The following DYRK1A variants were observed in gnomAD, a reference collection of about 807,000 sequenced individuals.
DYRK1A encodes dual specificity tyrosine-phosphorylation-regulated kinase 1A.
Under a neutral mutation model 79.7 loss-of-function variants are expected in DYRK1A, and 9 were observed. The observed-to-expected ratio is 0.11, with a 90% CI of 0.07 to 0.20. The LOEUF is 0.20. Among genes scored for constraint, DYRK1A ranks in the 10% least tolerant of loss-of-function variants. The pLI is 1.00. For synonymous variants in DYRK1A, 349 were observed against 329.7 expected (o/e 1.06, Z -0.63); for missense variants, 622 against 956.0 (o/e 0.65, Z 4.61).
intron 1 of DYRK1A, among the ~76,000 whole-genome samples, chr21:37,401,874 C>T (rs768878013): frequency 2.0e-5 from 3 of 152,150 alleles, no homozygotes; most frequent in Non-Finnish European, 4.4e-5. Context: ...AGCTCTTCTT[C>T]ACATGAACTT....
chr21:37,444,666 T>C (rs2051211387), intron 2 of DYRK1A, among the ~76,000 whole-genome samples: 1 of 152,142 alleles, frequency 6.6e-6, no homozygotes, highest in Non-Finnish European at 1.5e-5. Flanking sequence ...ATGCCAAGCC[T>C]GGGTGCATGA....
rs1260921990 is a variant in DYRK1A, at chr21:37,495,149, A to ATT, written c.1072-966_1072-965dup. Among the ~76,000 whole-genome samples, 214 of 122,108 alleles carry ATT rather than the reference A, an allele frequency of 1.8e-3. 1 individual carries two copies. Among genetic ancestry groups the ATT allele is most frequent in the African/African-American group, 6.5e-3 (204 of 31,562 alleles). The allele number at this position is 122,108 out of a possible 152,430, so 80.1% of individuals were successfully genotyped here. On this transcript the variant is annotated intron_variant, in intron 8 of 11. Transcript: ENST00000647188. ...GTCCATACTTTATTAAGCCTCTGGG[A>ATT]TTTTGTGTGTGTGTGTGTGTGTGTG...
rs73400111 is a variant in DYRK1A, at chr21:37,462,921, T to C, written c.11-9763T>C. 4.6e-3 allele frequency among the ~76,000 whole-genome samples: 703 copies of C among 152,348 alleles called. 4 individuals are homozygous for C. The highest frequency in any genetic ancestry group is 0.016 in the African/African-American group (659 of 41,576). On this transcript the variant is annotated intron_variant, in intron 2 of 11. Transcript: ENST00000647188. ...TTTTGACTAGTTCTTTAGTTGTTTA[T>C]GATGAATGAGGGAGTCTGGTACCAG...
chr21:37,431,919 T>G (rs1714766595), intron 2 of DYRK1A, among the ~76,000 whole-genome samples: 1 of 152,160 alleles, frequency 6.6e-6, no homozygotes, highest in East Asian at 1.9e-4. Context: ...TTATGTAGTT[T>G]GTATAGATGA....
At position 37,516,954 on chromosome 21, in the gene DYRK1A, T is replaced by C. The variant is rs1217125719; in HGVS notation, c.*4423T>C. On this transcript the variant is annotated 3_prime_UTR_variant, in exon 12 of 12. Coordinates refer to ENST00000647188, the MANE Select transcript of DYRK1A (RefSeq NM_001347721.2). The stretch of plus-strand genomic sequence containing the variant: ...TGCAGCTGCTGTACCTGAAAATTTT[T>C]CCCCATAATTTCCCATCTTTAGGGT... 6 of 152,306 alleles carry C rather than the reference T, an allele frequency of 3.9e-5. No homozygotes were observed. The highest frequency in any genetic ancestry group is 1.4e-4 in the African/African-American group (6 of 41,560). 9.4% of individuals were successfully genotyped at this position (152,306 alleles called of 1,614,324 possible). A position where few individuals can be genotyped will look rare whatever the true frequency, so the allele number is the denominator to read the frequency against.
At chr21:37,376,840 CTG>C (rs1337974394) in intron 1 of DYRK1A, among the ~76,000 whole-genome samples, 3 of 152,102 alleles carry the variant, frequency 2.0e-5, no homozygotes, top group Non-Finnish European at 4.4e-5. Flanking sequence ...AAAACAAGCT[CTG>C]TGGAATGATA....
chr21:37,499,087 A>T (rs2053361794), intron 9 of DYRK1A, among the ~76,000 whole-genome samples: 1 of 152,046 alleles, frequency 6.6e-6, no homozygotes, highest in Non-Finnish European at 1.5e-5. Context: ...TTAATATGGT[A>T]TCTTTTGATG....
At chr21:37,491,358 C>G (rs145245987) in intron 7 of DYRK1A, among the ~76,000 whole-genome samples, 1 of 152,060 alleles carries the variant, frequency 6.6e-6, no homozygotes, top group Non-Finnish European at 1.5e-5. Context: ...ATTTTAAGCA[C>G]TATTCTTTTT....
intron 2 of DYRK1A, chr21:37,430,251 C>G: frequency 2.1e-6 from 2 of 944,470 alleles, no homozygotes; most frequent in Non-Finnish European, 2.5e-6. Context: ...TTAATTGAAT[C>G]CTTTATTTTT....
At chr21:37,370,005 A>AT (rs923942583) in intron 1 of DYRK1A, among the ~76,000 whole-genome samples, 5 of 152,000 alleles carry the variant, frequency 3.3e-5, no homozygotes, top group Admixed American at 2.0e-4. Context: ...CATTTGTTAA[A>AT]TTTTTTTTCC....
At chr21:37,487,819 C>A (rs888934373) in intron 6 of DYRK1A, 3 of 152,016 alleles carry the variant, frequency 2.0e-5, no homozygotes, top group African/African-American at 7.2e-5. Context: ...TGATATAATT[C>A]ATAATAATAC....
chr21:37,431,886 CA>C (rs2050785670), intron 2 of DYRK1A, among the ~76,000 whole-genome samples: 2 of 151,546 alleles, frequency 1.3e-5, no homozygotes. Context: ...AGTTAATTTG[CA>C]AGAAATTGAT....
At chr21:37,494,176 G>A (rs1159679501) in intron 8 of DYRK1A, among the ~76,000 whole-genome samples, 1 of 151,716 alleles carries the variant, frequency 6.6e-6, no homozygotes, top group Non-Finnish European at 1.5e-5. Flanking sequence ...ACAGGCGTGA[G>A]CCACTGTGCC....
chr21:37,509,701 C>T (rs1057469416), intron 11 of DYRK1A, among the ~76,000 whole-genome samples: 2 of 152,150 alleles, frequency 1.3e-5, no homozygotes, highest in Non-Finnish European at 1.5e-5. Context: ...CTGGGATTAC[C>T]GATGTGAGCC....
At chr21:37,368,984 C>T (rs1052182484) in intron 1 of DYRK1A, among the ~76,000 whole-genome samples, 7 of 151,938 alleles carry the variant, frequency 4.6e-5, no homozygotes, top group Admixed American at 3.9e-4. Context: ...CCCAAGAAAA[C>T]TATGTAGTCA....
At chr21:37,440,222 G>A (rs1422339431) in intron 2 of DYRK1A, among the ~76,000 whole-genome samples, 8 of 128,502 alleles carry the variant, frequency 6.2e-5, no homozygotes, top group Admixed American at 9.0e-5. Context: ...TGCAACCTCC[G>A]CCCCCTGGGT....
At position 37,512,628 on chromosome 21, in the gene DYRK1A, T is replaced by C. The variant is rs2053788297; in HGVS notation, c.*97T>C. Reference sequence around the variant, plus strand: ...CAAAGCTGCTTGAATCAGGAGGAGATTAACACACTGAACCGCTACAAGAGG... The same window carrying C: ...CAAAGCTGCTTGAATCAGGAGGAGACTAACACACTGAACCGCTACAAGAGG... On this transcript the variant is annotated 3_prime_UTR_variant, in exon 12 of 12. Transcript: ENST00000647188. The C allele has an allele frequency of 1.4e-6, 2 of 1,416,336 alleles. No homozygotes were observed. The highest frequency in any genetic ancestry group is 1.4e-5 in the African/African-American group (1 of 70,074). The allele number at this position is 1,416,336 out of a possible 1,614,324, so 87.7% of individuals were successfully genotyped here.
chr21:37,453,673 G>T (rs1326028920), intron 2 of DYRK1A, among the ~76,000 whole-genome samples: 2 of 152,054 alleles, frequency 1.3e-5, no homozygotes, highest in Non-Finnish European at 2.9e-5. Flanking sequence ...CTTAACTCCA[G>T]TTTGTTTGGC....
At chr21:37,366,526 C>T (rs1176829373), upstream of DYRK1A, among the ~76,000 whole-genome samples, 2 of 151,488 alleles carry the variant, frequency 1.3e-5, no homozygotes, top group African/African-American at 2.4e-5. Flanking sequence ...CCTCCTCTCC[C>T]CTCCCCCGGG....
Sources: gnomAD v4.1 joint callset for allele counts (sites outside exome capture counted in the v4.1 genomes callset) on GRCh38, gnomAD v4.1.1 for gene constraint, MANE v1.5 for transcripts, NCBI Gene and HGNC (gene_info 2026-07-23, HGNC 2026-07-21) for gene names.